MYOM1: variants seen among roughly 807,000 people sequenced by gnomAD.
MYOM1 encodes the protein myomesin 1.
A neutral mutation model predicts 205.3 loss-of-function variants in MYOM1; 164 were observed. That is an observed-to-expected ratio of 0.80 (90% confidence interval 0.70 to 0.91). The LOEUF is 0.91. MYOM1 is among the 40% of genes least tolerant of loss of function. The pLI is 0.00. For missense variants in MYOM1, 2,011 were observed against 2,127.3 expected (o/e 0.95, Z 1.08); for synonymous variants, 772 against 789.4 (o/e 0.98, Z 0.37).
chr18:3,076,722 C>CT (rs35452841), intron 34 of MYOM1, among the ~76,000 whole-genome samples: 4,272 of 143,044 alleles, frequency 0.03, 110 homozygotes, highest in African/African-American at 0.07. Flanking sequence ...AAAATGGCAG[C>CT]TTTTTTTTTT....
chr18:3,119,467 C>G (rs1488914302), intron 20 of MYOM1, among the ~76,000 whole-genome samples: 1 of 152,110 alleles, frequency 6.6e-6, no homozygotes, highest in African/African-American at 2.4e-5. Flanking sequence ...TATATGAGAA[C>G]AAAGAAGTGC....
At chr18:3,190,971 A>G (rs923669643) in intron 3 of MYOM1, among the ~76,000 whole-genome samples, 1 of 152,110 alleles carries the variant, frequency 6.6e-6, no homozygotes, top group Non-Finnish European at 1.5e-5. Flanking sequence ...AAGAAGCTAA[A>G]CTTCGAAAAA....
chr18:3,201,670 CAG>C (rs1424546241), intron 2 of MYOM1, among the ~76,000 whole-genome samples: 12 of 144,576 alleles, frequency 8.3e-5, no homozygotes, highest in Admixed American at 7.7e-4. Context: ...TTTTTTGAGA[CAG>C]AGTCTTGCTC....
chr18:3,197,648 C>T (rs368257254), intron 2 of MYOM1, among the ~76,000 whole-genome samples: 156 of 151,862 alleles, frequency 1.0e-3, no homozygotes, highest in Admixed American at 2.0e-3. Context: ...CCAAGGCGGG[C>T]GGATCACGAG....
At position 3,134,838 on chromosome 18, in the gene MYOM1, A is replaced by G. The variant is rs2079933172; in HGVS notation, c.2210-14T>C. 6.2e-7 allele frequency: 1 copy of G among 1,613,778 alleles called. No homozygotes were observed. Among genetic ancestry groups the G allele is most frequent in the African/African-American group, 1.3e-5 (1 of 74,920 alleles). On this transcript the variant is annotated splice_polypyrimidine_tract_variant and intron_variant, in intron 15 of 37. Transcript: ENST00000356443. Reference sequence around the variant, plus strand: ...CCTTGGGGATATCTGAGAAAGAGGAAAATGGTGATCAAACTCAAGTGGTTT... The same window carrying G: ...CCTTGGGGATATCTGAGAAAGAGGAGAATGGTGATCAAACTCAAGTGGTTT...
chr18:3,134,720 A>G lies in MYOM1; in HGVS notation c.2314T>C (p.Tyr772His). 6.2e-7 allele frequency: 1 copy of G among 1,613,936 alleles called. No homozygotes were observed. Among genetic ancestry groups the G allele is most frequent in the African/African-American group, 1.3e-5 (1 of 75,028 alleles). The change falls in exon 16 of 38, where the codon TAC becomes CAC. Residue 772 changes from tyrosine (Y) to histidine (H), a missense_variant. Transcript: ENST00000356443. ...SKDAKELVGY[Y>H]IEASVAGSGK... ...GAGCCAGCAACGCTCGCCTCTATGT[A>G]GTACCCGACCAGCTCTTTGGCATCT...
In MYOM1 at chr18:3,135,174, T is replaced by A. The variant is rs930614125; in HGVS notation, c.2210-350A>T. On this transcript the variant is annotated intron_variant, in intron 15 of 37. Transcript: ENST00000356443. This position sits in a 1 kb window ranked among gnomAD's most constrained non-coding sequence, Gnocchi z 4.1. ...CATGTTGGCCAGGCTGGTCTCAAAC[T>A]CTTGGACTCAGGTGATCTGCCTGCC... 3.4e-6 allele frequency: 1 copy of A among 296,588 alleles called. No individual in the cohort carries two copies. The highest frequency in any genetic ancestry group is 2.2e-5 in the African/African-American group (1 of 45,938). The allele number at this position is 296,588 out of a possible 1,614,324, so 18.4% of individuals were successfully genotyped here.
intron 2 of MYOM1, among the ~76,000 whole-genome samples, chr18:3,214,454 A>G (rs200534104): frequency 1.3e-5 from 2 of 152,230 alleles, no homozygotes; most frequent in East Asian, 3.8e-4. Flanking sequence ...GGAAATAGGT[A>G]GGCACGGGTC....
chr18:3,233,941 C>G, the MYOM1 span, among the ~76,000 whole-genome samples: 1 of 152,206 alleles, frequency 6.6e-6, no homozygotes, highest in African/African-American at 2.4e-5. Context: ...GTATGTTTCA[C>G]AGATCAATAT....
chr18:3,164,482 T>C (rs752278345), intron 9 of MYOM1, 43 bp from the exon 10 acceptor site: 12 of 1,521,660 alleles, frequency 7.9e-6, no homozygotes, highest in Non-Finnish European at 1.1e-5. Context: ...TATTTTTGTT[T>C]TATAACTTCC....
At chr18:3,197,985 T>G (rs1462551468) in intron 2 of MYOM1, among the ~76,000 whole-genome samples, 1 of 152,208 alleles carries the variant, frequency 6.6e-6, no homozygotes, top group Non-Finnish European at 1.5e-5. Context: ...ATACTGCCCA[T>G]GATGACTTTG....
intron 5 of MYOM1, among the ~76,000 whole-genome samples, chr18:3,176,370 C>T (rs559775612): frequency 1.8e-4 from 28 of 152,244 alleles, no homozygotes; most frequent in African/African-American, 6.0e-4. Context: ...AAAATGTTGA[C>T]GATTCACAGC....
intron 10 of MYOM1, among the ~76,000 whole-genome samples, chr18:3,162,765 C>T (rs1022128632): frequency 2.6e-5 from 4 of 152,192 alleles, no homozygotes; most frequent in African/African-American, 7.2e-5. Context: ...TGGGCTCACG[C>T]CTGTAATCCC....
At chr18:3,215,335 A>G (rs895511408) in intron 1 of MYOM1, 84 bp from the exon 2 acceptor site, 4 of 1,122,088 alleles carry the variant, frequency 3.6e-6, no homozygotes, top group Non-Finnish European at 5.0e-6. Context: ...TGTAAAAATC[A>G]ATACTCTTGG....
the MYOM1 span, among the ~76,000 whole-genome samples, chr18:3,233,759 A>T: frequency 6.6e-6 from 1 of 152,226 alleles, no homozygotes; most frequent in Non-Finnish European, 1.5e-5. Context: ...TCCATAATAC[A>T]TCTACAGGTG....
intron 22 of MYOM1, 102 bp from the exon 23 acceptor site, chr18:3,102,732 T>C (rs1351277631): frequency 1.4e-5 from 16 of 1,176,882 alleles, no homozygotes; most frequent in Non-Finnish European, 1.9e-5. Context: ...AGTAGGGCCC[T>C]GATCCTAGGT....
intron 13 of MYOM1, among the ~76,000 whole-genome samples, chr18:3,147,003 A>G (rs1345396331): frequency 2.7e-5 from 4 of 148,170 alleles, no homozygotes; most frequent in Admixed American, 6.8e-5. Flanking sequence ...AAAATAAAAA[A>G]CAATACCATT....
At chr18:3,084,142 A>T (rs1290669759) in intron 31 of MYOM1, 115 bp from the exon 32 acceptor site, 11 of 1,161,802 alleles carry the variant, frequency 9.5e-6, no homozygotes, top group Non-Finnish European at 1.4e-5. Context: ...AATGGAAACA[A>T]GGTGAATTTG....
At chr18:3,230,020 G>A in the MYOM1 span, among the ~76,000 whole-genome samples, 2 of 145,844 alleles carry the variant, frequency 1.4e-5, no homozygotes, top group Admixed American at 6.9e-5. Flanking sequence ...ATGTCTCATA[G>A]CTATCCTCAA....
Sources: allele counts gnomAD v4.1 joint callset (sites outside exome capture counted in the v4.1 genomes callset), GRCh38; gene constraint gnomAD v4.1.1; non-coding constraint Gnocchi (gnomAD v3.1); transcripts MANE v1.5; gene names NCBI Gene and HGNC (gene_info 2026-07-23, HGNC 2026-07-21).